The following TUT7 variants were observed in gnomAD, a reference collection of about 807,000 sequenced individuals.
The protein encoded by TUT7 is terminal uridylyltransferase 7.
In TUT7, 33 loss-of-function variants were observed where a neutral mutation model predicts 165.9. The observed-to-expected ratio is 0.20, with a 90% confidence interval of 0.15 to 0.27. TUT7 has a LOEUF of 0.27. Ranked by LOEUF, TUT7 falls within the 10% of genes least tolerant of loss-of-function variation. The pLI is 1.00. For missense variants in TUT7, 1,338 were observed against 1,762.3 expected, an observed-to-expected ratio of 0.76 and a Z score of 4.31; for synonymous variants, 552 against 608.1, an observed-to-expected ratio of 0.91 and a Z score of 1.36.
intron 9 of TUT7, among the ~76,000 whole-genome samples, chr9:86,338,299 C>T (rs1337436284): frequency 6.6e-6 from 1 of 150,504 alleles, no homozygotes; most frequent in Non-Finnish European, 1.5e-5. Flanking sequence ...GCAACCTGTA[C>T]CTCCCAGGTT....
chr9:86,289,411 A>G (rs1825746150), intron 26 of TUT7, among the ~76,000 whole-genome samples: 1 of 152,198 alleles, frequency 6.6e-6, no homozygotes, highest in Non-Finnish European at 1.5e-5. Context: ...GAAAGTATGA[A>G]TTATTCAATA....
intron 6 of TUT7, among the ~76,000 whole-genome samples, chr9:86,341,718 A>G (rs1054249170): frequency 2.0e-5 from 3 of 151,916 alleles, no homozygotes; most frequent in African/African-American, 4.8e-5. Context: ...CCCTGCCTGA[A>G]ACTCTTTTCC....
intron 2 of TUT7, among the ~76,000 whole-genome samples, chr9:86,347,658 A>G (rs1018675154): frequency 3.9e-4 from 60 of 152,326 alleles, no homozygotes; most frequent in African/African-American, 1.4e-3. Flanking sequence ...CACCTTCCAC[A>G]ATATAAGAAA....
intron 8 of TUT7, 55 bp downstream of exon 8, chr9:86,339,981 C>T (rs1362671559): frequency 7.3e-7 from 1 of 1,371,534 alleles, no homozygotes; most frequent in East Asian, 2.3e-5. Flanking sequence ...TAGTAAAGTA[C>T]TTGTGCTTTT....
At chr9:86,348,348 C>T (rs745944651) in intron 2 of TUT7, among the ~76,000 whole-genome samples, 4 of 152,166 alleles carry the variant, frequency 2.6e-5, no homozygotes, top group Non-Finnish European at 2.9e-5. Flanking sequence ...CTACAGCAAT[C>T]CTGCTAATAC....
intron 21 of TUT7, among the ~76,000 whole-genome samples, 154 bp downstream of exon 21, chr9:86,309,058 C>T (rs1013429025): frequency 3.9e-5 from 6 of 152,146 alleles, no homozygotes; most frequent in Non-Finnish European, 8.8e-5. Context: ...AAAATATTTT[C>T]ACATCAAAGA....
In TUT7 at chr9:86,317,296, A is replaced by G; in HGVS notation, c.3217-20T>C. 1 of 1,609,632 alleles carries G rather than the reference A, an allele frequency of 6.2e-7. No individual in the cohort carries two copies. ...CAATCCCTACAACAAAGAAGGCATA[A>G]AGAACTTAACCAAAACTGGAAGACA... On this transcript the variant is annotated intron_variant, in intron 16 of 26. Transcript: ENST00000375963.
chr9:86,332,292 C>T (rs1482595265), intron 10 of TUT7, among the ~76,000 whole-genome samples: 6 of 152,052 alleles, frequency 3.9e-5, no homozygotes, highest in Non-Finnish European at 7.4e-5. Flanking sequence ...TCAACCTAAA[C>T]GCCTATCAGT....
At chr9:86,315,068 T>C (rs1828572127) in intron 17 of TUT7, among the ~76,000 whole-genome samples, 1 of 152,220 alleles carries the variant, frequency 6.6e-6, no homozygotes, top group South Asian at 2.1e-4. Flanking sequence ...TTTGGAAGAT[T>C]ACCTTACCTC....
At chr9:86,315,388 A>G (rs1441143855) in intron 17 of TUT7, among the ~76,000 whole-genome samples, 1 of 152,210 alleles carries the variant, frequency 6.6e-6, no homozygotes, top group East Asian at 1.9e-4. Flanking sequence ...AAAGGACATA[A>G]TGTCTATAGC....
chr9:86,343,224 C>T, intron 5 of TUT7, 61 bp from the exon 6 acceptor site: 1 of 1,010,966 alleles, frequency 9.9e-7, no homozygotes, highest in Non-Finnish European at 1.4e-6. Flanking sequence ...AAAGTTATAA[C>T]AAAACACTGC....
intron 13 of TUT7, 150 bp downstream of exon 13, chr9:86,322,723 A>G: frequency 9.8e-7 from 1 of 1,022,634 alleles, no homozygotes; most frequent in South Asian, 1.8e-5. Flanking sequence ...CTTAAGGAGA[A>G]AAGCAGACCG....
chr9:86,302,102 G>A (rs909434889), intron 25 of TUT7, among the ~76,000 whole-genome samples: 6 of 152,098 alleles, frequency 3.9e-5, no homozygotes, highest in Non-Finnish European at 8.8e-5. Flanking sequence ...AAAAAGGACT[G>A]AAAAACAAAG....
chr9:86,297,822 C>G (rs1826474116), intron 26 of TUT7, among the ~76,000 whole-genome samples: 1 of 151,816 alleles, frequency 6.6e-6, no homozygotes, highest in South Asian at 2.1e-4. Context: ...AAAAAACCAA[C>G]AAAAACGGTA....
chr9:86,336,133 CAAGG>C, intron 10 of TUT7, among the ~76,000 whole-genome samples: 1 of 152,140 alleles, frequency 6.6e-6, no homozygotes. Context: ...TGGTAGTGAG[CAAGG>C]CAACTTATCC....
chr9:86,301,196 C>T lies in TUT7; in HGVS notation c.4420+80G>A, dbSNP rs1473033697. ...TATATTGATAAAGAAATAAAGATAA[C>T]TAAAATAGTAAAGAGCTCTAAAAAG... On this transcript the variant is annotated intron_variant, in intron 26 of 26. Transcript: ENST00000375963. 3 of 1,260,716 alleles carry T rather than the reference C, an allele frequency of 2.4e-6. No individual in the cohort carries two copies. The South Asian group carries it at 4.5e-5, about 19-fold the overall frequency. The allele number at this position is 1,260,716 out of a possible 1,614,324, so 78.1% of individuals were successfully genotyped here. A position where few individuals can be genotyped will look rare whatever the true frequency, so the allele number is the denominator to read the frequency against.
At chr9:86,334,753 TC>T (rs998691363) in intron 10 of TUT7, among the ~76,000 whole-genome samples, 14 of 152,262 alleles carry the variant, frequency 9.2e-5, no homozygotes, top group African/African-American at 3.4e-4. Context: ...TTTTAAGGGT[TC>T]CACTTATCTG....
chr9:86,320,028 A>G (rs749370428), intron 14 of TUT7, among the ~76,000 whole-genome samples: 1 of 152,018 alleles, frequency 6.6e-6, no homozygotes, highest in Admixed American at 6.6e-5. Flanking sequence ...AAAATTTAAG[A>G]TGTCCTTTTT....
intron 16 of TUT7, among the ~76,000 whole-genome samples, chr9:86,318,351 G>C (rs764718016): frequency 6.6e-6 from 1 of 152,208 alleles, no homozygotes; most frequent in Non-Finnish European, 1.5e-5. Flanking sequence ...ATGTGAATGG[G>C]TGTGATTCTG....
Sources: allele counts gnomAD v4.1 joint callset (sites outside exome capture counted in the v4.1 genomes callset), GRCh38; gene constraint gnomAD v4.1.1; transcripts MANE v1.5; gene names NCBI Gene and HGNC (gene_info 2026-07-23, HGNC 2026-07-21).